The following MTTP variants were observed in gnomAD, a reference collection of about 807,000 sequenced individuals.
The protein encoded by MTTP is microsomal triglyceride transfer protein large subunit.
Under a neutral mutation model 90.6 loss-of-function variants are expected in MTTP, and 49 were observed. The ratio of observed to expected loss-of-function variants is 0.54; its 90% confidence interval spans 0.43 to 0.69. The LOEUF is 0.69. Among genes scored for constraint, MTTP ranks in the 30% least tolerant of loss-of-function variants. The probability of loss-of-function intolerance (pLI) is 0.00; values close to 1 mark genes in which losing one functional copy is unlikely to be tolerated. For synonymous variants in MTTP, 347 were observed against 384.2 expected, an observed-to-expected ratio of 0.90 and a Z score of 1.13; for missense variants, 945 against 1,067.5, an observed-to-expected ratio of 0.89 and a Z score of 1.60.
chr4:99,580,574 C>CAAAAAAAAAAAAAA (rs563138284), intron 1 of MTTP, among the ~76,000 whole-genome samples: 40 of 39,882 alleles, frequency 1.0e-3, no homozygotes, highest in East Asian at 2.8e-3. Flanking sequence ...GACTCTGTCT[C>CAAAAAAAAAAAAAA]AAAAAAAAAA....
intron 7 of MTTP, 42 bp downstream of exon 7, chr4:99,594,925 C>T (rs768155138): frequency 9.3e-6 from 15 of 1,607,854 alleles, no homozygotes; most frequent in Non-Finnish European, 1.3e-5. Context: ...ACATCAGACT[C>T]TGTTTTCATT....
At chr4:99,564,232 A>G in exon 1 of MTTP, 1 of 1,535,578 alleles carries the variant, frequency 6.5e-7, no homozygotes, top group Non-Finnish European at 8.7e-7. Context: ...TCATTCATAT[A>G]TTCTTGTGAG....
chr4:99,578,986 C>T (rs939929442), intron 1 of MTTP, among the ~76,000 whole-genome samples: 15 of 152,130 alleles, frequency 9.9e-5, no homozygotes, highest in African/African-American at 3.4e-4. Flanking sequence ...TATTTGAACC[C>T]GCTATAGAGT....
rs1358668171 is a variant in MTTP, at chr4:99,606,888, A to T, written c.1485A>T (p.Ala495=). 1 of 1,613,962 alleles carries T rather than the reference A, an allele frequency of 6.2e-7. No homozygotes were observed. Among genetic ancestry groups the T allele is most frequent in the Non-Finnish European group, 8.5e-7 (1 of 1,179,976 alleles). Residue 495 remains alanine, a synonymous_variant, in exon 11 of 18, where the codon GCA becomes GCT. Transcript: ENST00000265517. ...CAAGTCTTCTGAAGTATGCAGAAGC[A>T]GGAGAAGGGCCCATCAGCCACCTGG... ...GIPSLLKYAE[A]GEGPISHLAT... is the part of the protein sequence containing the mutation.
chr4:99,617,458 C>T (rs1726125146), intron 15 of MTTP, among the ~76,000 whole-genome samples: 1 of 152,126 alleles, frequency 6.6e-6, no homozygotes, highest in Non-Finnish European at 1.5e-5. Context: ...GAGATCAACA[C>T]AATCCTTGCT....
At chr4:99,617,609 T>C (rs1256706463) in intron 15 of MTTP, among the ~76,000 whole-genome samples, 2 of 152,190 alleles carry the variant, frequency 1.3e-5, no homozygotes, top group Admixed American at 6.5e-5. Context: ...TTAAGGATAC[T>C]GAGTCTCTTT....
intron 3 of MTTP, chr4:99,584,235 T>C (rs1432856241): frequency 6.6e-6 from 1 of 152,096 alleles, no homozygotes; most frequent in Non-Finnish European, 1.5e-5. Context: ...TTTGTGTTTA[T>C]GAAAATTACA....
chr4:99,597,287 T>C, intron 8 of MTTP, 63 bp downstream of exon 8: 1 of 1,591,322 alleles, frequency 6.3e-7, no homozygotes, highest in Non-Finnish European at 8.6e-7. Flanking sequence ...GTTGGTTTTT[T>C]GAAGTAAGAA....
Position 99,608,839 on chromosome 4 carries a change from C to T in MTTP, c.1631C>T (p.Ala544Val). ...VHEKTVRTAA[A>V]AIILNNNPSY... Reference sequence around the variant, plus strand: ...GAAAAGACTGTGCGCACTGCTGCAGCTGCTATCATTTTAAATAACAATCCA... The same window carrying T: ...GAAAAGACTGTGCGCACTGCTGCAGTTGCTATCATTTTAAATAACAATCCA... Residue 544 changes from alanine to valine, a missense_variant, in exon 12 of 18, where the codon GCT (alanine) becomes GTT (valine). Transcript: ENST00000265517. The T allele has an allele frequency of 6.2e-7, 1 of 1,614,124 alleles. No homozygotes were observed. Among genetic ancestry groups the T allele is most frequent in the Non-Finnish European group, 8.5e-7 (1 of 1,180,012 alleles).
chr4:99,619,888 G>A (rs1486385730), intron 16 of MTTP, among the ~76,000 whole-genome samples: 1 of 152,074 alleles, frequency 6.6e-6, no homozygotes, highest in Non-Finnish European at 1.5e-5. Context: ...GTCATCAAAA[G>A]GTTCACAATA....
At chr4:99,614,799 G>A (rs561196600) in intron 15 of MTTP, among the ~76,000 whole-genome samples, 3 of 152,286 alleles carry the variant, frequency 2.0e-5, no homozygotes, top group East Asian at 1.9e-4. Flanking sequence ...GGACCAAAAC[G>A]GTGTTACATG....
At chr4:99,615,123 G>C (rs1001599248) in intron 15 of MTTP, among the ~76,000 whole-genome samples, 2 of 152,210 alleles carry the variant, frequency 1.3e-5, no homozygotes, top group African/African-American at 4.8e-5. Context: ...CTGAGGATTT[G>C]AATCGGGGTG....
At chr4:99,601,859 A>G (rs1725707172) in intron 10 of MTTP, 145 bp downstream of exon 10, 1 of 666,656 alleles carries the variant, frequency 1.5e-6, no homozygotes, top group Admixed American at 2.2e-5. Context: ...GCCATCTAAC[A>G]TATATTAAAA....
At chr4:99,607,815 C>T (rs1330772320) in intron 11 of MTTP, among the ~76,000 whole-genome samples, 1 of 152,006 alleles carries the variant, frequency 6.6e-6, no homozygotes, top group Non-Finnish European at 1.5e-5. Flanking sequence ...AATGAAGTGC[C>T]AGGTAGATTT....
intron 2 of MTTP, 139 bp from the exon 3 acceptor site, chr4:99,583,235 C>T: frequency 1.0e-6 from 1 of 991,682 alleles, no homozygotes; most frequent in South Asian, 1.6e-5. Flanking sequence ...TGGCAAGGTC[C>T]TATAAATCAT....
intron 15 of MTTP, among the ~76,000 whole-genome samples, chr4:99,617,468 T>C (rs1430632518): frequency 6.6e-6 from 1 of 152,188 alleles, no homozygotes; most frequent in Non-Finnish European, 1.5e-5. Flanking sequence ...CAATCCTTGC[T>C]AGAAAGTTAA....
At chr4:99,564,342 C>T (rs1367541038) in intron 1 of MTTP, 17 of 1,072,708 alleles carry the variant, frequency 1.6e-5, no homozygotes, top group Non-Finnish European at 2.1e-5. Flanking sequence ...AAAAACATCT[C>T]TTGCCTATAT....
chr4:99,580,514 G>A (rs558976667), intron 1 of MTTP, among the ~76,000 whole-genome samples: 2 of 137,238 alleles, frequency 1.5e-5, no homozygotes, highest in South Asian at 4.8e-4. Flanking sequence ...GATGGAGGTT[G>A]CAGTGAACTG....
At position 99,583,453 on chromosome 4, in the gene MTTP, T is replaced by C; in HGVS notation, c.329T>C (p.Ile110Thr). Residue 110 changes from isoleucine (I) to threonine (T), a missense_variant, in exon 3 of 18, where the codon ATA becomes ACA. Coordinates refer to ENST00000265517, the MANE Select transcript of MTTP (RefSeq NM_001386140.1). ...SIFKGKSPSK[I>T]MGKENLEALQ... ...TTCAAAGGAAAAAGCCCATCTAAAA[T>C]AATGGGAAAGGAAAACTTGGAAGCT... The C allele has an allele frequency of 6.2e-7, 1 of 1,613,554 alleles. No individual in the cohort carries two copies. The highest frequency in any genetic ancestry group is 8.5e-7 in the Non-Finnish European group (1 of 1,179,764).
Sources: gnomAD v4.1 joint callset for allele counts (sites outside exome capture counted in the v4.1 genomes callset) on GRCh38, gnomAD v4.1.1 for gene constraint, MANE v1.5 for transcripts, NCBI Gene and HGNC (gene_info 2026-07-23, HGNC 2026-07-21) for gene names.